The following CRISPLD2 variants were observed in gnomAD, a reference collection of about 807,000 sequenced individuals.
CRISPLD2 encodes cysteine-rich secretory protein LCCL domain-containing 2.
A neutral mutation model predicts 71.1 loss-of-function variants in CRISPLD2; 47 were observed. The ratio of observed to expected loss-of-function variants is 0.66; its 90% CI spans 0.52 to 0.84. The LOEUF (loss-of-function observed/expected upper bound fraction) is 0.84. Ranked by LOEUF, CRISPLD2 falls within the 40% of genes least tolerant of loss-of-function variation. The pLI is 0.00. For synonymous variants in CRISPLD2, 317 were observed against 250.1 expected (o/e 1.27, Z -2.52); for missense variants, 830 against 651.1 (o/e 1.27, Z -2.99).
intron 4 of CRISPLD2, 112 bp downstream of exon 4, chr16:84,849,629 A>G (rs1177350064): frequency 8.5e-7 from 1 of 1,180,026 alleles, no homozygotes. Context: ...TGTTGCCTTC[A>G]TTTTTAAAAA....
chr16:84,889,196 G>T, intron 13 of CRISPLD2, 34 bp from the exon 14 acceptor site: 6 of 1,613,388 alleles, frequency 3.7e-6, no homozygotes, highest in Non-Finnish European at 4.2e-6. Flanking sequence ...GCTGGAATCC[G>T]CATCGCTGAT....
chr16:84,904,877 C>T (rs929992523), intron 14 of CRISPLD2, among the ~76,000 whole-genome samples: 2 of 152,180 alleles, frequency 1.3e-5, no homozygotes, highest in African/African-American at 4.8e-5. Context: ...AAGTATAAAT[C>T]CTTCATGACC....
Position 84,906,588 on chromosome 16 carries a change from C to G in CRISPLD2, c.1440C>G (p.Ser480Arg). The G allele has an allele frequency of 6.2e-7, 1 of 1,612,784 alleles. No individual in the cohort carries two copies. The highest frequency in any genetic ancestry group is 8.5e-7 in the Non-Finnish European group (1 of 1,180,004). Residue 480 changes from serine to arginine, a missense_variant and splice_region_variant, in exon 15 of 15, where the codon AGC (serine) becomes AGG (arginine). Physicochemically the swap from Ser to Arg is moderately radical, Grantham distance 110. Transcript: ENST00000262424. Reference sequence around the variant, plus strand: ...GGGCCCTCTTTCTTCTTTTTTTCAGCCTGGGGACTCCTCGGGATGGAAAGG... The same window carrying G: ...GGGCCCTCTTTCTTCTTTTTTTCAGGCTGGGGACTCCTCGGGATGGAAAGG... ...GSLRNGVQSE[S>R]LGTPRDGKAF...
intron 5 of CRISPLD2, among the ~76,000 whole-genome samples, chr16:84,852,033 C>A (rs1336805763): frequency 6.6e-6 from 1 of 152,088 alleles, no homozygotes; most frequent in African/African-American, 2.4e-5. Flanking sequence ...GGTGGCAGAT[C>A]AAGGTGTGGC....
At chr16:84,873,598 T>A in intron 10 of CRISPLD2, 1 of 282,782 alleles carries the variant, frequency 3.5e-6, no homozygotes, top group Non-Finnish European at 6.4e-6. Context: ...AACTTCTTTG[T>A]AATGTTTTAA....
intron 1 of CRISPLD2, among the ~76,000 whole-genome samples, chr16:84,821,944 A>C (rs1916240414): frequency 6.6e-6 from 1 of 152,246 alleles, no homozygotes; most frequent in African/African-American, 2.4e-5. Flanking sequence ...TGACACAGCC[A>C]GGGCGGGGTA....
chr16:84,841,746 C>G (rs1258136096), intron 2 of CRISPLD2, among the ~76,000 whole-genome samples: 1 of 152,054 alleles, frequency 6.6e-6, no homozygotes, highest in Non-Finnish European at 1.5e-5. Flanking sequence ...TAGGTGCCCA[C>G]CACCATGGCC....
At chr16:84,897,360 G>A (rs986346748) in intron 14 of CRISPLD2, among the ~76,000 whole-genome samples, 2 of 152,046 alleles carry the variant, frequency 1.3e-5, no homozygotes, top group African/African-American at 4.8e-5. Flanking sequence ...GCTGAGGTAG[G>A]AGAATTGATT....
intron 2 of CRISPLD2, among the ~76,000 whole-genome samples, chr16:84,845,005 A>T (rs540137131): frequency 6.6e-6 from 1 of 152,194 alleles, no homozygotes. Flanking sequence ...CAGAGCGCCA[A>T]TCCAACGCCA....
intron 9 of CRISPLD2, among the ~76,000 whole-genome samples, chr16:84,872,725 T>G (rs2071482143): frequency 6.6e-6 from 1 of 152,218 alleles, no homozygotes; most frequent in African/African-American, 2.4e-5. Context: ...CGTCTTAGAC[T>G]GAGCATTCAC....
chr16:84,864,380 T>A (rs907166193), intron 6 of CRISPLD2, among the ~76,000 whole-genome samples: 1 of 152,204 alleles, frequency 6.6e-6, no homozygotes. Context: ...TACCAAACTG[T>A]CTTCGGCTAA....
chr16:84,833,947 C>T (rs891952817), intron 1 of CRISPLD2, among the ~76,000 whole-genome samples: 9 of 152,208 alleles, frequency 5.9e-5, no homozygotes, highest in Non-Finnish European at 1.2e-4. Context: ...GCCCCCTTCC[C>T]CCTGCATGGG....
intron 4 of CRISPLD2, among the ~76,000 whole-genome samples, chr16:84,849,984 C>T (rs914932257): frequency 1.3e-5 from 2 of 151,942 alleles, no homozygotes; most frequent in Non-Finnish European, 2.9e-5. Flanking sequence ...GCTCAGCTTC[C>T]CAAAGTGTTG....
chr16:84,823,872 G>A (rs1030644844), intron 1 of CRISPLD2, among the ~76,000 whole-genome samples: 2 of 152,114 alleles, frequency 1.3e-5, no homozygotes, highest in East Asian at 1.9e-4. Flanking sequence ...TTTCTGGAAC[G>A]TGTTTTATTT....
chr16:84,851,712 A>G (rs16974723), intron 5 of CRISPLD2, among the ~76,000 whole-genome samples: 5,290 of 152,302 alleles, frequency 0.035, 150 homozygotes, highest in African/African-American at 0.075. Flanking sequence ...AGACTGGTCC[A>G]AGGTGGTGGA....
chr16:84,882,802 A>T (rs1397946237), intron 13 of CRISPLD2, among the ~76,000 whole-genome samples: 1 of 152,204 alleles, frequency 6.6e-6, no homozygotes, highest in Non-Finnish European at 1.5e-5. Flanking sequence ...TAGGAAGAAA[A>T]CAAGGCTCAT....
chr16:84,829,566 C>T (rs901778889), intron 1 of CRISPLD2, among the ~76,000 whole-genome samples: 1 of 152,162 alleles, frequency 6.6e-6, no homozygotes, highest in South Asian at 2.1e-4. Context: ...AACACCCCGA[C>T]CCCCAGGCTT....
intron 12 of CRISPLD2, among the ~76,000 whole-genome samples, chr16:84,878,630 C>G (rs924762241): frequency 1.3e-5 from 2 of 152,192 alleles, no homozygotes; most frequent in African/African-American, 4.8e-5. Flanking sequence ...GAGGACGATG[C>G]CTCCCAGCAT....
intron 13 of CRISPLD2, among the ~76,000 whole-genome samples, chr16:84,885,460 C>T (rs546524099): frequency 2.0e-5 from 3 of 152,324 alleles, no homozygotes; most frequent in South Asian, 2.1e-4. Context: ...GCCGGCCATC[C>T]CCGGTTTGCC....
Sources: gnomAD v4.1 joint callset for allele counts (sites outside exome capture counted in the v4.1 genomes callset) on GRCh38, gnomAD v4.1.1 for gene constraint, MANE v1.5 for transcripts, NCBI Gene and HGNC (gene_info 2026-07-23, HGNC 2026-07-21) for gene names.